PLXNB2: variants seen among roughly 807,000 people sequenced by gnomAD.
PLXNB2 encodes plexin-B2.
PLXNB2 carries 85 observed loss-of-function variants against 202.6 expected under a neutral mutation model. The observed-to-expected ratio is 0.42, with a 90% CI of 0.35 to 0.50. PLXNB2 has a LOEUF of 0.50. PLXNB2 is among the 20% of genes least tolerant of loss of function. The pLI is 0.02. For missense variants in PLXNB2, 2,063 were observed against 2,586.2 expected (o/e 0.80, Z 4.39); for synonymous variants, 1,239 against 1,137.6 (o/e 1.09, Z -1.79).
Position 50,281,685 on chromosome 22 carries a change from C to G in PLXNB2, c.3403G>C (p.Glu1135Gln). The change falls in exon 21 of 37, where the codon GAG (glutamate) becomes CAG (glutamine). Residue 1135 changes from glutamate to glutamine, a missense_variant. By Grantham distance (29) the Glu-to-Gln change is conservative. Coordinates refer to ENST00000359337, the MANE Select transcript of PLXNB2 (RefSeq NM_012401.4). ...LQEAEAFVGA[E>Q]RCTMKTLTET... is the part of the protein sequence containing the mutation. ...GTCAGCGTCTTCATGGTGCAGCGCT[C>G]GGCACCCACGAAGGCCTCGGCCTCC... 1 of 1,572,280 alleles carries G rather than the reference C, an allele frequency of 6.4e-7. No individual in the cohort carries two copies. Among genetic ancestry groups the G allele is most frequent in the Non-Finnish European group, 8.6e-7 (1 of 1,156,532 alleles).
chr22:50,299,236 G>A (rs1236954763), intron 1 of PLXNB2, among the ~76,000 whole-genome samples: 4 of 150,282 alleles, frequency 2.7e-5, no homozygotes, highest in African/African-American at 4.9e-5. Context: ...GAAGGCAGAG[G>A]TCCTAGGGCT....
intron 18 of PLXNB2, 110 bp from the exon 19 acceptor site, chr22:50,282,423 A>T (rs2066066539): frequency 8.5e-7 from 1 of 1,180,782 alleles, no homozygotes; most frequent in African/African-American, 1.6e-5. Flanking sequence ...TTCCAGGTGC[A>T]TGTGTGGGTC....
chr22:50,303,512 G>C (rs373806272), intron 1 of PLXNB2, among the ~76,000 whole-genome samples: 2 of 152,354 alleles, frequency 1.3e-5, no homozygotes, highest in South Asian at 4.1e-4. Flanking sequence ...CACAAGGCTC[G>C]TGGGCAGGAA....
At chr22:50,305,432 T>A (rs906261867) in intron 1 of PLXNB2, among the ~76,000 whole-genome samples, 1 of 152,150 alleles carries the variant, frequency 6.6e-6, no homozygotes, top group Non-Finnish European at 1.5e-5. Context: ...GAGCGCCAGG[T>A]AGCCACAGCC....
chr22:50,287,334 C>A, intron 7 of PLXNB2, 70 bp from the exon 8 acceptor site: 2 of 1,435,422 alleles, frequency 1.4e-6, no homozygotes, highest in African/African-American at 1.4e-5. Context: ...GGTGACCCGA[C>A]CTCCCTGCGT....
At chr22:50,293,457 T>C (rs549740974) in intron 2 of PLXNB2, among the ~76,000 whole-genome samples, 2 of 152,214 alleles carry the variant, frequency 1.3e-5, no homozygotes, top group South Asian at 4.2e-4. Context: ...GCAGGCAACG[T>C]CCAGGCCCCT....
At position 50,284,506 on chromosome 22, in the gene PLXNB2, G is replaced by A; in HGVS notation, c.2181+67C>T. 8.2e-7 allele frequency: 1 copy of A among 1,224,232 alleles called. No homozygotes were observed. Among genetic ancestry groups the A allele is most frequent in the Non-Finnish European group, 1.2e-6 (1 of 851,810 alleles). The allele number at this position is 1,224,232 out of a possible 1,614,324, so 75.8% of individuals were successfully genotyped here. On this transcript the variant is annotated intron_variant, in intron 12 of 36. Transcript: ENST00000359337. This position sits in a 1 kb window ranked among gnomAD's most constrained non-coding sequence, Gnocchi z 8.0. ...CTGCCCCTCCCCTCACAGTCCTGAA[G>A]GTGACCCCCCACCCCACCCGGGGCC...
chr22:50,283,258 CT>C (rs1208106885), intron 16 of PLXNB2, 72 bp from the exon 17 acceptor site: 1 of 1,605,332 alleles, frequency 6.2e-7, no homozygotes. Context: ...TGGATGGTAA[CT>C]GTCGTGGGGA....
chr22:50,280,635 C>G lies in PLXNB2; in HGVS notation c.4029G>C (p.Ser1343=). ...IHTLENQREF[S]ARAKVYFASL... The stretch of plus-strand genomic sequence containing the variant: ...ACGCGAAGTAGACCTTGGCGCGGGC[C>G]GAGAACTCCCGCTGGTTCTCCAGGG... The change falls in exon 25 of 37, where the codon TCG becomes TCC. Residue 1343 remains serine (S), a synonymous_variant. Coordinates refer to ENST00000359337, the MANE Select transcript of PLXNB2 (RefSeq NM_012401.4). 1.2e-6 allele frequency: 2 copies of G among 1,612,590 alleles called. No homozygotes were observed.
intron 33 of PLXNB2, among the ~76,000 whole-genome samples, chr22:50,277,118 C>T (rs1272594698): frequency 6.6e-6 from 1 of 152,078 alleles, no homozygotes; most frequent in African/African-American, 2.4e-5. Context: ...ACCAGCCTGC[C>T]CAACATGGTG....
rs1398493280 is a variant in PLXNB2, at chr22:50,280,804, C to A, written c.3933G>T (p.Val1311=). Residue 1311 remains valine, a synonymous_variant, in exon 24 of 37, where the codon GTG becomes GTT. Transcript: ENST00000359337. ...AGAACTGGTAGAGGGCCTGCTCCAC[C>A]ACCGGCCGCCGCGGCTCAGGGATGT... ...KLDIPEPRRP[V]VEQALYQFSN... 6.2e-7 allele frequency: 1 copy of A among 1,613,162 alleles called. No homozygotes were observed. The highest frequency in any genetic ancestry group is 1.3e-5 in the African/African-American group (1 of 74,916).
At position 50,307,566 on chromosome 22, in the gene PLXNB2, G is replaced by C. The variant is rs1190552437; in HGVS notation, c.-87C>G. On this transcript the variant is annotated 5_prime_UTR_variant, in exon 1 of 37. Coordinates refer to ENST00000359337, the MANE Select transcript of PLXNB2 (RefSeq NM_012401.4). ...CGAGCTCGGTACCTGCACGTCCGCC[G>C]CCAAGGCTCGATGGCGCCCGGGCCG... 1 of 981,910 alleles carries C rather than the reference G, an allele frequency of 1.0e-6. No individual in the cohort carries two copies. The highest frequency in any genetic ancestry group is 1.2e-6 in the Non-Finnish European group (1 of 828,656). The allele number at this position is 981,910 out of a possible 1,614,324, so 60.8% of individuals were successfully genotyped here. A position where few individuals can be genotyped will look rare whatever the true frequency, so the allele number is the denominator to read the frequency against.
intron 30 of PLXNB2, 43 bp from the exon 31 acceptor site, chr22:50,278,314 G>T: frequency 6.2e-7 from 1 of 1,604,960 alleles, no homozygotes; most frequent in Non-Finnish European, 8.5e-7. Flanking sequence ...CAGGTCTGGG[G>T]GCCTGGGTCC....
rs370411443 is a variant in PLXNB2, at chr22:50,282,317, C to T, written c.2988-4G>A. The T allele has an allele frequency of 2.1e-5, 34 of 1,598,814 alleles. No individual in the cohort carries two copies. Among genetic ancestry groups the T allele is most frequent in the Middle Eastern group, 1.7e-4 (1 of 6,016 alleles). ...GACGTTGATGCTGCGGCCACCACTG[C>T]GGAGGGCAGTGCCTTCGTGGGCTCG... On this transcript the variant is annotated splice_region_variant and splice_polypyrimidine_tract_variant and intron_variant, in intron 18 of 36. Transcript: ENST00000359337.
At chr22:50,304,688 T>A (rs1270685594) in intron 1 of PLXNB2, among the ~76,000 whole-genome samples, 12 of 144,882 alleles carry the variant, frequency 8.3e-5, no homozygotes, top group African/African-American at 3.1e-4. Context: ...ACCCTCCCCA[T>A]CGTGTAATTA....
intron 1 of PLXNB2, among the ~76,000 whole-genome samples, chr22:50,296,851 C>T (rs1343609707): frequency 6.6e-6 from 1 of 152,070 alleles, no homozygotes; most frequent in Non-Finnish European, 1.5e-5. Flanking sequence ...CAGCGGGACC[C>T]GGGGTTGGAC....
At position 50,283,409 on chromosome 22, in the gene PLXNB2, G is replaced by A; in HGVS notation, c.2607C>T (p.Phe869=). ...VCVIEAAETP[F]TGGVEVDVFG... ...AGACGTCCACCTCGACACCCCCCGT[G>A]AAAGGCGTCTCCGCAGCCTCGATCA... Residue 869 remains phenylalanine (F), a synonymous_variant, in exon 16 of 37, where the codon TTC becomes TTT. Transcript: ENST00000359337. 1 of 1,613,234 alleles carries A rather than the reference G, an allele frequency of 6.2e-7. No homozygotes were observed. Among genetic ancestry groups the A allele is most frequent in the South Asian group, 1.1e-5 (1 of 91,078 alleles).
chr22:50,281,625 G>T lies in PLXNB2; in HGVS notation c.3463C>A (p.Gln1155Lys). 1 of 1,607,710 alleles carries T rather than the reference G, an allele frequency of 6.2e-7. No individual in the cohort carries two copies. The highest frequency in any genetic ancestry group is 8.5e-7 in the Non-Finnish European group (1 of 1,176,834). ...TTCTGCCGCCGCTTGGGCGGGGGCT[G>T]CACCTCCGGGGGCTCACAGTACAGG... ...TDLYCEPPEV[Q>K]PPPKRRQKRD... Residue 1155 changes from glutamine (Q) to lysine (K), a missense_variant, in exon 21 of 37, where the codon CAG (glutamine) becomes AAG (lysine). This residue lies in a region of PLXNB2 where 760 missense variants were observed against 1,109.4 expected (regional missense o/e 0.69). Transcript: ENST00000359337.
rs751845658 is a variant in PLXNB2 at position 50,281,435 on chromosome 22, A to T, written c.3587T>A (p.Val1196Glu). 6.2e-7 allele frequency: 1 copy of T among 1,612,208 alleles called. No homozygotes were observed. The highest frequency in any genetic ancestry group is 8.5e-7 in the Non-Finnish European group (1 of 1,179,638). ...RVEYDTRVSD[V>E]PLSLILPLVI... ...CAGCGGCAAGATGAGGCTGAGCGGCACGTCGCTCACCCGTGTGTCGTACTC... is the reference window on the plus strand; with the variant it reads ...CAGCGGCAAGATGAGGCTGAGCGGCTCGTCGCTCACCCGTGTGTCGTACTC... Residue 1196 changes from valine (V) to glutamate (E), a missense_variant, in exon 22 of 37, where the codon GTG becomes GAG. Val to Glu is a moderately radical substitution (Grantham distance 121, BLOSUM62 -2). Coordinates refer to ENST00000359337, the MANE Select transcript of PLXNB2 (RefSeq NM_012401.4).
Sources: allele counts gnomAD v4.1 joint callset (sites outside exome capture counted in the v4.1 genomes callset), GRCh38; gene constraint gnomAD v4.1.1; regional missense constraint gnomAD v4.1.1; non-coding constraint Gnocchi (gnomAD v3.1); transcripts MANE v1.5; gene names NCBI Gene and HGNC (gene_info 2026-07-23, HGNC 2026-07-21).